Variants in MAPRE2 observed in about 807,000 individuals in gnomAD.
MAPRE2 encodes microtubule-associated protein RP/EB family member 2.
MAPRE2 carries 13 observed loss-of-function variants against 43.2 expected under a neutral mutation model. The observed-to-expected ratio is 0.30, with a 90% CI of 0.20 to 0.48. The LOEUF (loss-of-function observed/expected upper bound fraction) is 0.48, where lower values mean the gene tolerates loss of function less well. Ranked by LOEUF, MAPRE2 falls within the 20% of genes least tolerant of loss-of-function variation. MAPRE2 has a pLI of 0.99. For synonymous variants in MAPRE2, 135 were observed against 148.8 expected (o/e 0.91, Z 0.68); for missense variants, 161 against 400.2 (o/e 0.40, Z 5.10).
At chr18:35,034,924 C>G (rs1291578614) in intron 2 of MAPRE2, among the ~76,000 whole-genome samples, 2 of 151,894 alleles carry the variant, frequency 1.3e-5, no homozygotes, top group South Asian at 2.1e-4. Flanking sequence ...GGACTGTAAA[C>G]TAGTTCAACC....
chr18:35,100,110 C>T lies in MAPRE2; in HGVS notation c.397-1836C>T, dbSNP rs541661104. On this transcript the variant is annotated intron_variant, in intron 3 of 6. Coordinates refer to ENST00000300249, the MANE Select transcript of MAPRE2 (RefSeq NM_014268.4). The stretch of plus-strand genomic sequence containing the variant: ...AATCACATGCTTACACACTCACACA[C>T]ATTCACACACTCACACACACAATCT... 5.3e-5 allele frequency among the ~76,000 whole-genome samples: 8 copies of T among 152,294 alleles called. No homozygotes were observed. The South Asian group carries it at 1.7e-3, about 32-fold the overall frequency.
intron 1 of MAPRE2, among the ~76,000 whole-genome samples, chr18:34,986,225 G>A (rs985743301): frequency 2.6e-5 from 4 of 152,106 alleles, no homozygotes; most frequent in Non-Finnish European, 5.9e-5. Context: ...TTAAAAGCTG[G>A]TAAAGGCTTT....
chr18:35,131,967 A>G, intron 5 of MAPRE2, 65 bp from the exon 6 acceptor site: 1 of 1,492,006 alleles, frequency 6.7e-7, no homozygotes, highest in Non-Finnish European at 9.2e-7. Flanking sequence ...ATTCACAGGA[A>G]TTGCTGGTCA....
intron 2 of MAPRE2, among the ~76,000 whole-genome samples, chr18:35,028,982 ATG>A: frequency 6.6e-6 from 1 of 152,182 alleles, no homozygotes; most frequent in Admixed American, 6.5e-5. Flanking sequence ...TAGAAGTTAA[ATG>A]GAGGCTTCTT....
intron 2 of MAPRE2, among the ~76,000 whole-genome samples, chr18:35,084,051 G>C (rs183311442): frequency 6.6e-6 from 1 of 152,190 alleles, no homozygotes; most frequent in Non-Finnish European, 1.5e-5. Context: ...AGTTCTGCAG[G>C]CTTCTTAATA....
At chr18:35,102,333 G>A (rs995753166) in intron 4 of MAPRE2, among the ~76,000 whole-genome samples, 174 bp downstream of exon 4, 8 of 152,152 alleles carry the variant, frequency 5.3e-5, no homozygotes, top group Non-Finnish European at 1.2e-4. Context: ...TGACCCATTT[G>A]TCATTAGTCT....
chr18:34,981,767 T>C (rs1344608033), intron 1 of MAPRE2, among the ~76,000 whole-genome samples: 1 of 152,226 alleles, frequency 6.6e-6, no homozygotes, highest in Non-Finnish European at 1.5e-5. Context: ...TAGTCTTGCC[T>C]GGAGGCTTTG....
At chr18:35,054,056 T>A (rs1416565014) in intron 1 of MAPRE2, among the ~76,000 whole-genome samples, 2 of 152,218 alleles carry the variant, frequency 1.3e-5, no homozygotes, top group East Asian at 1.9e-4. Flanking sequence ...GCCCCCCTTT[T>A]AAAAATTTTT....
intron 2 of MAPRE2, among the ~76,000 whole-genome samples, chr18:35,007,019 T>C (rs931648314): frequency 6.6e-6 from 1 of 152,252 alleles, no homozygotes; most frequent in African/African-American, 2.4e-5. Flanking sequence ...ACAGCTGGAA[T>C]ATTCAGGGGC....
At chr18:35,109,515 G>A (rs1183834932) in intron 4 of MAPRE2, among the ~76,000 whole-genome samples, 1 of 152,132 alleles carries the variant, frequency 6.6e-6, no homozygotes, top group African/African-American at 2.4e-5. Flanking sequence ...GTAGTTTGAT[G>A]GAAATAGCTT....
chr18:35,056,040 T>G (rs902539408), intron 1 of MAPRE2, among the ~76,000 whole-genome samples: 3 of 152,092 alleles, frequency 2.0e-5, no homozygotes, highest in African/African-American at 7.2e-5. Flanking sequence ...TTAATTTTAT[T>G]TTTTATCTGT....
chr18:35,138,522 A>T lies in MAPRE2; in HGVS notation c.910-1773A>T, dbSNP rs558238318. 2.6e-4 allele frequency among the ~76,000 whole-genome samples: 40 copies of T among 152,270 alleles called. No individual in the cohort carries two copies. In the East Asian group the frequency reaches 7.3e-3, roughly 28 times the overall value. Reference sequence around the variant, plus strand: ...TTGACACAGAAAGGGTTACTTTTTTAAAAAAATTACTTGCACTTCTAGAAT... The same window carrying T: ...TTGACACAGAAAGGGTTACTTTTTTTAAAAAATTACTTGCACTTCTAGAAT... On this transcript the variant is annotated intron_variant, in intron 6 of 6. Transcript: ENST00000300249.
intron 1 of MAPRE2, among the ~76,000 whole-genome samples, chr18:35,064,756 A>G (rs1200230154): frequency 2.0e-5 from 3 of 152,188 alleles, no homozygotes; most frequent in Non-Finnish European, 2.9e-5. Flanking sequence ...GTCTGATTCA[A>G]TCACTACTGC....
intron 4 of MAPRE2, among the ~76,000 whole-genome samples, chr18:35,108,018 A>G (rs1362048181): frequency 6.6e-6 from 1 of 152,100 alleles, no homozygotes; most frequent in Non-Finnish European, 1.5e-5. Context: ...CTTCTAAAAA[A>G]AAAAAGGGAT....
intron 2 of MAPRE2, among the ~76,000 whole-genome samples, chr18:35,074,221 G>C (rs1374421761): frequency 6.6e-6 from 1 of 152,146 alleles, no homozygotes; most frequent in Non-Finnish European, 1.5e-5. Context: ...TATCAGATTG[G>C]TTCAGCTTAT....
Position 35,021,162 on chromosome 18 carries a change from T to C in MAPRE2, c.-8+15609T>C, listed in dbSNP as rs565378438. On this transcript the variant is annotated intron_variant, in intron 2 of 7. Coordinates refer to the MAPRE2 transcript ENST00000413393. ...ATTAAGGAAGAAAGATAAGCTAGGG[T>C]CAAACTGTGCAGAGTCCCAAATACC... Among the ~76,000 whole-genome samples the C allele has an allele frequency of 4.5e-4, 68 of 152,220 alleles. 1 individual carries two copies. In the South Asian group the frequency reaches 1.0e-2, roughly 22 times the overall value.
At position 35,110,818 on chromosome 18, in the gene MAPRE2, A is replaced by G. The variant is rs77657927; in HGVS notation, c.610+8659A>G. Among the ~76,000 whole-genome samples the G allele has an allele frequency of 1.2e-3, 182 of 152,282 alleles. 3 individuals carry two copies. In the East Asian group the frequency reaches 0.027, roughly 23 times the overall value. ...TGTGGCCTCCAAAGATAAGAAGTGCATACTCATTCTACCCTGGAATGGAAT... is the reference window on the plus strand; with the variant it reads ...TGTGGCCTCCAAAGATAAGAAGTGCGTACTCATTCTACCCTGGAATGGAAT... On this transcript the variant is annotated intron_variant, in intron 4 of 6. Transcript: ENST00000300249.
At position 35,117,865 on chromosome 18, in the gene MAPRE2, G is replaced by A. The variant is rs546006741; in HGVS notation, c.611-9083G>A. Among the ~76,000 whole-genome samples the A allele has an allele frequency of 2.0e-5, 3 of 152,236 alleles. No individual in the cohort carries two copies. In the South Asian group the frequency reaches 6.2e-4, roughly 32 times the overall value. Reference sequence around the variant, plus strand: ...AGTCAGTAGTTTATTGAAAGAAATAGCATGTTGAAATAACTATTTAAAAGA... The same window carrying A: ...AGTCAGTAGTTTATTGAAAGAAATAACATGTTGAAATAACTATTTAAAAGA... On this transcript the variant is annotated intron_variant, in intron 4 of 6. Transcript: ENST00000300249.
intron 1 of MAPRE2, chr18:34,978,383 G>GC: frequency 2.4e-6 from 2 of 827,972 alleles, no homozygotes; most frequent in Non-Finnish European, 4.1e-6. Flanking sequence ...CGACCCTGGG[G>GC]CCGCGCTGCG....
Sources: allele counts gnomAD v4.1 joint callset (sites outside exome capture counted in the v4.1 genomes callset), GRCh38; gene constraint gnomAD v4.1.1; transcripts MANE v1.5; gene names NCBI Gene and HGNC (gene_info 2026-07-23, HGNC 2026-07-21).